The following ATF7IP variants were observed in gnomAD, a reference collection of about 807,000 sequenced individuals.
ATF7IP encodes the protein activating transcription factor 7-interacting protein 1.
Under a neutral mutation model 106.4 loss-of-function variants are expected in ATF7IP, and 23 were observed. The observed-to-expected ratio is 0.22, with a 90% CI of 0.16 to 0.31. ATF7IP has a LOEUF of 0.31. Ranked by LOEUF, ATF7IP falls within the 10% of genes least tolerant of loss-of-function variation. ATF7IP has a pLI of 1.00. For missense variants in ATF7IP, 1,334 were observed against 1,524.3 expected, an observed-to-expected ratio of 0.88 and a Z score of 2.08; for synonymous variants, 542 against 539.0, an observed-to-expected ratio of 1.01 and a Z score of -0.08.
intron 8 of ATF7IP, among the ~76,000 whole-genome samples, chr12:14,457,901 C>T (rs1182038654): frequency 6.6e-6 from 1 of 151,882 alleles, no homozygotes; most frequent in Non-Finnish European, 1.5e-5. Context: ...TTGAGACCAG[C>T]CTGTCCAACA....
At chr12:14,474,665 C>T (rs773031429) in intron 10 of ATF7IP, among the ~76,000 whole-genome samples, 71 of 152,154 alleles carry the variant, frequency 4.7e-4, no homozygotes, top group Non-Finnish European at 9.7e-4. Context: ...AACCAAAGTA[C>T]TGGGATTACA....
intron 14 of ATF7IP, 124 bp from the exon 15 acceptor site, chr12:14,497,530 T>C (rs1356328062): frequency 2.9e-6 from 3 of 1,018,446 alleles, no homozygotes; most frequent in Non-Finnish European, 4.2e-6. Context: ...TGGTATTTGG[T>C]ATTTCCTAGA....
intron 13 of ATF7IP, among the ~76,000 whole-genome samples, chr12:14,492,986 C>G (rs1304403904): frequency 6.6e-6 from 1 of 152,186 alleles, no homozygotes; most frequent in East Asian, 1.9e-4. Context: ...GTGACTGATT[C>G]ACTCTACCAT....
intron 10 of ATF7IP, among the ~76,000 whole-genome samples, chr12:14,469,002 T>C (rs1313721992): frequency 6.6e-6 from 1 of 152,200 alleles, no homozygotes; most frequent in Non-Finnish European, 1.5e-5. Flanking sequence ...TACAATTGGC[T>C]AACTTCATTT....
chr12:14,436,290 A>C (rs1464718907), intron 4 of ATF7IP, 39 bp downstream of exon 4: 5 of 1,542,532 alleles, frequency 3.2e-6, no homozygotes, highest in Non-Finnish European at 4.4e-6. Flanking sequence ...ATATTGAATA[A>C]ATAGCACCAC....
At chr12:14,410,952 C>T (rs766143782) in intron 1 of ATF7IP, among the ~76,000 whole-genome samples, 3 of 152,122 alleles carry the variant, frequency 2.0e-5, no homozygotes, top group Non-Finnish European at 4.4e-5. Flanking sequence ...GTAGCATGTA[C>T]AGTACTTCAT....
chr12:14,452,436 A>T (rs1005662080), intron 6 of ATF7IP, among the ~76,000 whole-genome samples: 2 of 150,872 alleles, frequency 1.3e-5, no homozygotes, highest in African/African-American at 4.9e-5. Context: ...TTTGTGTTTC[A>T]TTGCTTTTTG....
At chr12:14,464,208 A>G (rs1943743301) in intron 9 of ATF7IP, among the ~76,000 whole-genome samples, 1 of 151,786 alleles carries the variant, frequency 6.6e-6, no homozygotes, top group South Asian at 2.1e-4. Context: ...GCTACCCAGG[A>G]GGCCGAAGCA....
chr12:14,445,787 T>C (rs1421725354), intron 5 of ATF7IP, among the ~76,000 whole-genome samples: 2 of 152,212 alleles, frequency 1.3e-5, no homozygotes, highest in Non-Finnish European at 2.9e-5. Context: ...TGTATGCCCT[T>C]ATTGGATAAA....
intron 1 of ATF7IP, among the ~76,000 whole-genome samples, chr12:14,392,753 T>G (rs946367015): frequency 6.6e-6 from 1 of 152,230 alleles, no homozygotes; most frequent in Non-Finnish European, 1.5e-5. Flanking sequence ...TGAGAACTGT[T>G]CGCTTCTGGT....
In ATF7IP at chr12:14,434,333, A is replaced by C. The variant is rs762280482; in HGVS notation, c.1559-4A>C. On this transcript the variant is annotated splice_region_variant and splice_polypyrimidine_tract_variant and intron_variant, in intron 2 of 14. Transcript: ENST00000261168. ...AAGATTTTCTTTTCTATATTTGTTA[A>C]CAGCAGAAGTAGAAAGTAATGAAAA... The C allele has an allele frequency of 6.8e-7, 1 of 1,479,952 alleles. No individual in the cohort carries two copies. Among genetic ancestry groups the C allele is most frequent in the African/African-American group, 1.4e-5 (1 of 72,286 alleles). The allele number at this position is 1,479,952 out of a possible 1,614,324, so 91.7% of individuals were successfully genotyped here.
At chr12:14,476,093 A>T (rs926554593) in intron 11 of ATF7IP, 125 bp downstream of exon 11, 2 of 743,744 alleles carry the variant, frequency 2.7e-6, no homozygotes, top group African/African-American at 3.7e-5. Flanking sequence ...TTCTTTTTGG[A>T]ATGGAAGTTT....
chr12:14,485,222 C>T (rs1361430194), intron 13 of ATF7IP, among the ~76,000 whole-genome samples: 1 of 152,044 alleles, frequency 6.6e-6, no homozygotes, highest in Non-Finnish European at 1.5e-5. Flanking sequence ...TCAAAACTGG[C>T]AGCCTTTCAG....
At chr12:14,421,531 TC>T (rs1369013129) in intron 1 of ATF7IP, among the ~76,000 whole-genome samples, 4 of 152,188 alleles carry the variant, frequency 2.6e-5, no homozygotes, top group Non-Finnish European at 2.9e-5. Context: ...CATGGCATTC[TC>T]CCAGTGTGCA....
rs559581162 is a variant in ATF7IP at position 14,391,308 on chromosome 12, G to T, written c.-8+25481G>T. Among the ~76,000 whole-genome samples the T allele has an allele frequency of 4.6e-5, 7 of 152,328 alleles. No individual in the cohort carries two copies. The South Asian group carries it at 1.4e-3, about 32-fold the overall frequency. ...GAGAGAGGTCTGAGGAGTTGCTTCTGCATCTGCCTGAGGGAATCTTGTCTT... is the reference window on the plus strand; with the variant it reads ...GAGAGAGGTCTGAGGAGTTGCTTCTTCATCTGCCTGAGGGAATCTTGTCTT... On this transcript the variant is annotated intron_variant, in intron 1 of 14. Coordinates refer to ENST00000261168, the MANE Select transcript of ATF7IP (RefSeq NM_018179.5).
chr12:14,411,988 C>T (rs187348824), intron 1 of ATF7IP, among the ~76,000 whole-genome samples: 1 of 152,274 alleles, frequency 6.6e-6, no homozygotes, highest in East Asian at 1.9e-4. Flanking sequence ...ACTCCAACTT[C>T]ATTCTTTTGC....
chr12:14,386,346 A>C (rs1939238482), intron 1 of ATF7IP, among the ~76,000 whole-genome samples: 1 of 152,158 alleles, frequency 6.6e-6, no homozygotes, highest in South Asian at 2.1e-4. Context: ...TATTTCAGAT[A>C]GCAGAAAAGG....
At chr12:14,478,271 C>T (rs1418799112) in intron 11 of ATF7IP, 46 bp from the exon 12 acceptor site, 2 of 1,590,570 alleles carry the variant, frequency 1.3e-6, no homozygotes, top group Admixed American at 1.7e-5. Flanking sequence ...CTTGTATTTC[C>T]TGATTTTTTT....
intron 1 of ATF7IP, among the ~76,000 whole-genome samples, chr12:14,417,566 T>G (rs1481975505): frequency 6.6e-6 from 1 of 152,172 alleles, no homozygotes; most frequent in East Asian, 1.9e-4. Context: ...AATTTTGCAT[T>G]GTATAGAAAA....
Sources: gnomAD v4.1 joint callset for allele counts (sites outside exome capture counted in the v4.1 genomes callset) on GRCh38, gnomAD v4.1.1 for gene constraint, MANE v1.5 for transcripts, NCBI Gene and HGNC (gene_info 2026-07-23, HGNC 2026-07-21) for gene names.